Variants in TLK2 observed in about 807,000 individuals in gnomAD.
TLK2 encodes the protein tousled like kinase 2, also known as serine/threonine-protein kinase tousled-like 2.
A neutral mutation model predicts 117.3 loss-of-function variants in TLK2; 6 were observed. The observed-to-expected ratio is 0.05, with a 90% CI of 0.03 to 0.10. TLK2 has a LOEUF of 0.10. Among genes scored for constraint, TLK2 ranks in the 10% least tolerant of loss-of-function variants. The pLI, the probability that TLK2 is intolerant of heterozygous loss-of-function variation, is 1.00. For missense variants in TLK2, 299 were observed against 901.2 expected, an observed-to-expected ratio of 0.33 and a Z score of 8.56; for synonymous variants, 257 against 316.7, an observed-to-expected ratio of 0.81 and a Z score of 2.00.
chr17:62,528,902 A>T (rs1232521189), intron 6 of TLK2, among the ~76,000 whole-genome samples: 2 of 152,180 alleles, frequency 1.3e-5, no homozygotes, highest in Non-Finnish European at 2.9e-5. Context: ...AGCAGCTGGA[A>T]ACCTACATGC....
At chr17:62,575,462 T>C (rs1003231565) in intron 12 of TLK2, among the ~76,000 whole-genome samples, 2 of 152,228 alleles carry the variant, frequency 1.3e-5, no homozygotes, top group Admixed American at 6.5e-5. Context: ...TCTTCTTCTT[T>C]CTATTTTTTC....
At chr17:62,478,736 TCCCCCACC>T (rs2071226404), upstream of TLK2, among the ~76,000 whole-genome samples, 1 of 36,724 alleles carries the variant, frequency 2.7e-5, no homozygotes, top group South Asian at 2.2e-3. Context: ...TGTCGGCGCT[TCCCCCACC>T]CCCCCAGGAC....
upstream of TLK2, among the ~76,000 whole-genome samples, chr17:62,478,338 C>G (rs1245293415): frequency 7.0e-6 from 1 of 142,922 alleles, no homozygotes; most frequent in Non-Finnish European, 1.5e-5. Context: ...AGGGGTTGGG[C>G]GGGCGCGGGG....
intron 7 of TLK2, among the ~76,000 whole-genome samples, chr17:62,537,861 T>TA (rs2145867979): frequency 1.3e-5 from 2 of 152,210 alleles, no homozygotes; most frequent in South Asian, 4.2e-4. Flanking sequence ...ATACATACTT[T>TA]AAAAATGGGA....
intron 3 of TLK2, among the ~76,000 whole-genome samples, 154 bp from the exon 4 acceptor site, chr17:62,522,050 G>A (rs558715898): frequency 1.3e-5 from 2 of 152,228 alleles, no homozygotes; most frequent in East Asian, 1.9e-4. Context: ...AATACTCTTT[G>A]TTATACTCAG....
chr17:62,477,566 GAGTAC>G (rs1352064882), upstream of TLK2: 3 of 152,248 alleles, frequency 2.0e-5, no homozygotes, highest in Non-Finnish European at 2.9e-5. Flanking sequence ...CTCCACTGGG[GAGTAC>G]TTGTCTAACC....
intron 2 of TLK2, among the ~76,000 whole-genome samples, chr17:62,495,169 A>T (rs1383815048): frequency 6.6e-6 from 1 of 151,460 alleles, no homozygotes; most frequent in Non-Finnish European, 1.5e-5. Flanking sequence ...CCTATCTCCA[A>T]AAAAAAAGGA....
chr17:62,511,800 C>T lies in TLK2; in HGVS notation c.82-8973C>T, dbSNP rs555563675. 6.6e-5 allele frequency among the ~76,000 whole-genome samples: 10 copies of T among 152,336 alleles called. No homozygotes were observed. The East Asian group carries it at 1.2e-3, about 18-fold the overall frequency. ...CATGGTGTGGATATAGTACACTTTA[C>T]TTAACCATTGCCTCCATGAGGACAT... On this transcript the variant is annotated intron_variant, in intron 2 of 21. Transcript: ENST00000346027.
chr17:62,535,856 T>C (rs1333967187), intron 6 of TLK2, among the ~76,000 whole-genome samples: 3 of 152,024 alleles, frequency 2.0e-5, no homozygotes, highest in Admixed American at 1.3e-4. Context: ...ATAGAAATAA[T>C]ATTTCCTGTG....
At chr17:62,488,080 GC>G (rs1223743149) in intron 2 of TLK2, among the ~76,000 whole-genome samples, 1 of 151,796 alleles carries the variant, frequency 6.6e-6, no homozygotes, top group Non-Finnish European at 1.5e-5. Flanking sequence ...GCTGGGAGGT[GC>G]CCGCCACCAT....
rs758726258 is a variant in TLK2 at position 62,536,173 on chromosome 17, C to A, written c.367C>A (p.Arg123=). 5 of 1,609,588 alleles carry A rather than the reference C, an allele frequency of 3.1e-6. No individual in the cohort carries two copies. The South Asian group carries it at 3.3e-5, about 11-fold the overall frequency. The change falls in exon 7 of 22, where the codon CGA becomes AGA. Residue 123 remains arginine, a synonymous_variant. Transcript: ENST00000346027. ...QHSLSNPLPR[R]VEQPLYGLDG... ...GTGTTTCTTTACTGTTTTCCAGCGA[C>A]GAGTAGAACAGCCCCTCTATGGTTT...
intron 2 of TLK2, among the ~76,000 whole-genome samples, chr17:62,510,134 G>T (rs1019302688): frequency 1.3e-5 from 2 of 152,136 alleles, no homozygotes; most frequent in African/African-American, 2.4e-5. Context: ...TTAGCCAGAC[G>T]TGGTGGCATG....
intron 12 of TLK2, among the ~76,000 whole-genome samples, chr17:62,575,968 T>G (rs2080756271): frequency 6.6e-6 from 1 of 152,192 alleles, no homozygotes; most frequent in South Asian, 2.1e-4. Context: ...GTACTGGGAT[T>G]ACAGTGAGCC....
chr17:62,519,220 G>A (rs2075856986), intron 2 of TLK2, among the ~76,000 whole-genome samples: 2 of 152,090 alleles, frequency 1.3e-5, no homozygotes, highest in East Asian at 3.9e-4. Flanking sequence ...TGTGAAGGAA[G>A]GGTACAACTT....
intron 11 of TLK2, among the ~76,000 whole-genome samples, chr17:62,566,534 G>A (rs1190812799): frequency 7.9e-5 from 12 of 152,258 alleles, no homozygotes. Flanking sequence ...AGAATACCTT[G>A]GAAGGAAAGC....
chr17:62,583,627 T>C (rs532515642), intron 15 of TLK2, among the ~76,000 whole-genome samples: 2 of 152,204 alleles, frequency 1.3e-5, no homozygotes, highest in Admixed American at 6.5e-5. Context: ...CAGGCTGTAG[T>C]GTAATGGTGT....
At chr17:62,546,294 T>A (rs1004200687) in intron 7 of TLK2, among the ~76,000 whole-genome samples, 6 of 150,492 alleles carry the variant, frequency 4.0e-5, no homozygotes, top group African/African-American at 1.5e-4. Context: ...ATTATAGGCG[T>A]GAGCCACTGC....
chr17:62,596,591 A>T lies in TLK2; in HGVS notation c.1467A>T (p.Ala489=). The T allele has an allele frequency of 6.2e-7, 1 of 1,613,820 alleles. No individual in the cohort carries two copies. Among genetic ancestry groups the T allele is most frequent in the Admixed American group, 1.7e-5 (1 of 60,026 alleles). ...DEKKENYHKH[A]CREYRIHKEL... ...TTTTCCCTTTTGTTTACAGGCATGC[A>T]TGTAGGGAATACCGGATTCATAAAG... Residue 489 remains alanine, a synonymous_variant, in exon 17 of 22, where the codon GCA becomes GCT. Transcript: ENST00000346027.
At chr17:62,557,383 T>C (rs2078939145) in intron 9 of TLK2, among the ~76,000 whole-genome samples, 1 of 152,236 alleles carries the variant, frequency 6.6e-6, no homozygotes, top group Admixed American at 6.5e-5. Flanking sequence ...AAATGTTCTT[T>C]TGATTTCTAT....
Sources: gnomAD v4.1 joint callset for allele counts (sites outside exome capture counted in the v4.1 genomes callset) on GRCh38, gnomAD v4.1.1 for gene constraint, MANE v1.5 for transcripts, NCBI Gene and HGNC (gene_info 2026-07-23, HGNC 2026-07-21) for gene names.